DNAAF11: variants seen among roughly 807,000 people sequenced by gnomAD.
The protein encoded by DNAAF11 is dynein axonemal assembly factor 11.
DNAAF11 carries 45 observed loss-of-function variants against 60.8 expected under a neutral mutation model. That is an observed-to-expected ratio of 0.74 (90% confidence interval 0.58 to 0.95). The LOEUF is 0.95. Among genes scored for constraint, DNAAF11 ranks in the 40% least tolerant of loss-of-function variants. DNAAF11 has a pLI of 0.00. For synonymous variants in DNAAF11, 191 were observed against 183.5 expected, an observed-to-expected ratio of 1.04 and a Z score of -0.33; for missense variants, 546 against 546.2, an observed-to-expected ratio of 1.00 and a Z score of 0.00.
chr8:132,662,037 A>G (rs1205936317), intron 1 of DNAAF11, among the ~76,000 whole-genome samples: 1 of 152,250 alleles, frequency 6.6e-6, no homozygotes, highest in Non-Finnish European at 1.5e-5. Context: ...GAGCTGTCAG[A>G]GGGCAGAAAT....
intron 11 of DNAAF11, among the ~76,000 whole-genome samples, chr8:132,579,401 C>A (rs1461501852): frequency 6.6e-6 from 1 of 152,140 alleles, no homozygotes; most frequent in African/African-American, 2.4e-5. Context: ...GATGGCATCT[C>A]TTTTGCACAT....
At chr8:132,691,092 C>T in the DNAAF11 span, among the ~76,000 whole-genome samples, 3 of 148,762 alleles carry the variant, frequency 2.0e-5, no homozygotes, top group African/African-American at 7.8e-5. Context: ...GTGCTGCACT[C>T]CTCAGTGTGT....
chr8:132,628,775 G>A (rs1365076321), intron 5 of DNAAF11, among the ~76,000 whole-genome samples: 1 of 152,128 alleles, frequency 6.6e-6, no homozygotes, highest in African/African-American at 2.4e-5. Flanking sequence ...GGCCTATAAG[G>A]GAGGCAAGAA....
intron 1 of DNAAF11, among the ~76,000 whole-genome samples, chr8:132,668,437 G>C (rs1824850508): frequency 6.6e-6 from 1 of 152,104 alleles, no homozygotes; most frequent in Admixed American, 6.5e-5. Flanking sequence ...TCATGGAGGA[G>C]GAGTCTGAGC....
intron 7 of DNAAF11, among the ~76,000 whole-genome samples, chr8:132,616,098 G>A (rs549219298): frequency 6.6e-5 from 10 of 152,046 alleles, no homozygotes; most frequent in Non-Finnish European, 1.5e-4. Flanking sequence ...AGTAATTTCA[G>A]AGAATTTTCC....
chr8:132,627,483 T>C (rs1358227473), intron 5 of DNAAF11, among the ~76,000 whole-genome samples: 2 of 152,172 alleles, frequency 1.3e-5, no homozygotes, highest in Non-Finnish European at 2.9e-5. Flanking sequence ...TTCCCATCCA[T>C]AAGCAGATCC....
chr8:132,610,919 A>C (rs934073672), intron 9 of DNAAF11, among the ~76,000 whole-genome samples: 4 of 151,940 alleles, frequency 2.6e-5, no homozygotes, highest in African/African-American at 9.7e-5. Context: ...TTTGAGTCAG[A>C]GTCTCACTCC....
intron 6 of DNAAF11, among the ~76,000 whole-genome samples, chr8:132,624,333 A>T (rs1820045642): frequency 7.9e-5 from 12 of 152,192 alleles, no homozygotes; most frequent in Admixed American, 7.9e-4. Flanking sequence ...GTACTTGCCA[A>T]CATCACACAG....
At chr8:132,599,204 C>T (rs929771711) in intron 10 of DNAAF11, among the ~76,000 whole-genome samples, 6 of 152,104 alleles carry the variant, frequency 3.9e-5, no homozygotes, top group Non-Finnish European at 5.9e-5. Flanking sequence ...GACATATACA[C>T]CACCCCAAGA....
At chr8:132,688,912 G>A in the DNAAF11 span, among the ~76,000 whole-genome samples, 1 of 152,180 alleles carries the variant, frequency 6.6e-6, no homozygotes, top group African/African-American at 2.4e-5. Flanking sequence ...AAGACTGGTG[G>A]ATATTTATTC....
At chr8:132,613,271 A>G (rs1818839416) in intron 8 of DNAAF11, among the ~76,000 whole-genome samples, 1 of 152,206 alleles carries the variant, frequency 6.6e-6, no homozygotes, top group Non-Finnish European at 1.5e-5. Context: ...CCAAGGTGGA[A>G]ACAACCCAAA....
intron 3 of DNAAF11, among the ~76,000 whole-genome samples, chr8:132,647,914 G>A (rs762735938): frequency 5.3e-5 from 8 of 152,188 alleles, no homozygotes; most frequent in East Asian, 3.9e-4. Context: ...ATTCACAGCC[G>A]AATTCTATCA....
At chr8:132,672,709 C>T (rs989076340) in intron 1 of DNAAF11, among the ~76,000 whole-genome samples, 4 of 152,146 alleles carry the variant, frequency 2.6e-5, no homozygotes, top group African/African-American at 7.2e-5. Context: ...ATAAGCAGCT[C>T]AATAACTGTG....
chr8:132,621,393 G>A (rs982175103), intron 7 of DNAAF11, among the ~76,000 whole-genome samples: 2 of 152,196 alleles, frequency 1.3e-5, no homozygotes, highest in Admixed American at 6.5e-5. Context: ...CATGACCTGG[G>A]AGGGGAGGAA....
At chr8:132,673,997 G>A (rs112430014) in intron 1 of DNAAF11, among the ~76,000 whole-genome samples, 288 of 152,036 alleles carry the variant, frequency 1.9e-3, no homozygotes, top group African/African-American at 6.6e-3. Flanking sequence ...AAAAAGCGAA[G>A]AAGAAGGAGA....
At chr8:132,690,247 C>T in the DNAAF11 span, among the ~76,000 whole-genome samples, 1 of 152,036 alleles carries the variant, frequency 6.6e-6, no homozygotes, top group African/African-American at 2.4e-5. Flanking sequence ...TTTGTAATCC[C>T]CACATGTCGA....
At chr8:132,676,383 A>G (rs1489493153), upstream of DNAAF11, among the ~76,000 whole-genome samples, 2 of 152,160 alleles carry the variant, frequency 1.3e-5, no homozygotes, top group East Asian at 1.9e-4. Context: ...AAGAATCTTT[A>G]AAAGGTACCA....
At chr8:132,653,895 C>G (rs1466508124) in intron 3 of DNAAF11, among the ~76,000 whole-genome samples, 1 of 152,080 alleles carries the variant, frequency 6.6e-6, no homozygotes, top group East Asian at 1.9e-4. Flanking sequence ...AGATAACAGA[C>G]ACAAATTCTG....
intron 5 of DNAAF11, among the ~76,000 whole-genome samples, chr8:132,630,803 G>T (rs1246689427): frequency 6.6e-6 from 1 of 152,010 alleles, no homozygotes; most frequent in Non-Finnish European, 1.5e-5. Context: ...CTACAGAAAT[G>T]CAAATTAATT....
Sources: gnomAD v4.1 joint callset for allele counts (sites outside exome capture counted in the v4.1 genomes callset) on GRCh38, gnomAD v4.1.1 for gene constraint, MANE v1.5 for transcripts, NCBI Gene and HGNC (gene_info 2026-07-23, HGNC 2026-07-21) for gene names.